CCDC149: variants seen among roughly 807,000 people sequenced by gnomAD.
CCDC149 encodes coiled-coil domain-containing protein 149.
A neutral mutation model predicts 59.9 loss-of-function variants in CCDC149; 45 were observed. The ratio of observed to expected loss-of-function variants is 0.75; its 90% CI spans 0.59 to 0.96. The LOEUF (loss-of-function observed/expected upper bound fraction) is 0.96, where lower values mean the gene tolerates loss of function less well. Ranked by LOEUF, CCDC149 falls within the 40% of genes least tolerant of loss-of-function variation. The probability of loss-of-function intolerance (pLI) is 0.00; values close to 1 mark genes in which losing one functional copy is unlikely to be tolerated. For missense variants in CCDC149, 584 were observed against 664.7 expected (o/e 0.88, Z 1.33); for synonymous variants, 245 against 260.6 (o/e 0.94, Z 0.58).
At chr4:24,845,059 G>A (rs1421156094) in intron 4 of CCDC149, among the ~76,000 whole-genome samples, 1 of 152,254 alleles carries the variant, frequency 6.6e-6, no homozygotes, top group Non-Finnish European at 1.5e-5. Context: ...TCAGGGCTCT[G>A]AAGTCTATGC....
chr4:24,813,489 A>AATATATCTATATCTATATCTATATATAT (rs1186488610), intron 12 of CCDC149, among the ~76,000 whole-genome samples: 1 of 113,734 alleles, frequency 8.8e-6, no homozygotes, highest in African/African-American at 4.0e-5. Flanking sequence ...CAGCTTGGGG[A>AATATATCTATATCTATATCTATATATAT]ATATATATAT....
intron 1 of CCDC149, among the ~76,000 whole-genome samples, chr4:24,885,911 T>C (rs560286832): frequency 1.3e-5 from 2 of 152,330 alleles, no homozygotes; most frequent in East Asian, 3.9e-4. Context: ...CTTCATTTGA[T>C]TATAACAGTA....
intron 1 of CCDC149, among the ~76,000 whole-genome samples, chr4:24,931,315 A>ATG (rs1483234876): frequency 6.9e-6 from 1 of 145,324 alleles, no homozygotes; most frequent in Non-Finnish European, 1.5e-5. Context: ...TTTAAAATAT[A>ATG]TATATATATA....
chr4:24,897,336 A>G (rs1720902551), intron 1 of CCDC149, among the ~76,000 whole-genome samples: 1 of 152,176 alleles, frequency 6.6e-6, no homozygotes, highest in South Asian at 2.1e-4. Flanking sequence ...GAAAGTCAAA[A>G]TAAGTCTGGA....
At chr4:24,810,692 CA>C (rs1195718227) in intron 12 of CCDC149, among the ~76,000 whole-genome samples, 3 of 152,146 alleles carry the variant, frequency 2.0e-5, no homozygotes, top group African/African-American at 7.2e-5. Context: ...TGAAAATGGG[CA>C]AGCCAGAAAC....
Position 24,806,246 on chromosome 4 carries a change from AAC to A in CCDC149, c.*2141_*2142del. The A allele has an allele frequency of 6.6e-6, 1 of 152,158 alleles. No homozygotes were observed. The highest frequency in any genetic ancestry group is 1.5e-5 in the Non-Finnish European group (1 of 68,044). The allele number at this position is 152,158 out of a possible 1,614,324, so 9.4% of individuals were successfully genotyped here. On this transcript the variant is annotated 3_prime_UTR_variant, in exon 13 of 13. Transcript: ENST00000635206. ...GGTTATATCTGTGACAGGATCAACT[AAC>A]TTACTGGCTCTCATTTCACCTGATA...
intron 1 of CCDC149, among the ~76,000 whole-genome samples, chr4:24,956,462 G>A (rs956393042): frequency 8.6e-5 from 13 of 151,892 alleles, no homozygotes; most frequent in African/African-American, 1.5e-4. Flanking sequence ...AGGTAATTTC[G>A]GGCTATTAAT....
intron 1 of CCDC149, among the ~76,000 whole-genome samples, chr4:24,900,187 A>C (rs1297040723): frequency 2.0e-5 from 3 of 152,212 alleles, no homozygotes; most frequent in African/African-American, 7.2e-5. Context: ...CAATTGTCAC[A>C]TGCAGAAGGC....
At chr4:24,867,224 A>G (rs1718760100) in intron 3 of CCDC149, among the ~76,000 whole-genome samples, 1 of 152,250 alleles carries the variant, frequency 6.6e-6, no homozygotes, top group Non-Finnish European at 1.5e-5. Flanking sequence ...TCAGTGCCTC[A>G]TAAGAGCTTT....
At chr4:24,904,387 G>A (rs78607606) in intron 1 of CCDC149, among the ~76,000 whole-genome samples, 21,175 of 152,134 alleles carry the variant, frequency 0.14, 1,580 homozygotes, top group East Asian at 0.21. Flanking sequence ...GCTGCTCTGG[G>A]CACACTGCCT....
chr4:24,839,061 CAGAGAGAGAG>C (rs72068303), intron 4 of CCDC149, among the ~76,000 whole-genome samples: 11 of 115,364 alleles, frequency 9.5e-5, no homozygotes, highest in East Asian at 7.3e-4. Flanking sequence ...CACACACACA[CAGAGAGAGAG>C]AGAGAAAGAG....
chr4:24,901,275 G>C (rs1721151823), intron 1 of CCDC149, among the ~76,000 whole-genome samples: 1 of 151,998 alleles, frequency 6.6e-6, no homozygotes, highest in African/African-American at 2.4e-5. Context: ...GAGAGGTGCA[G>C]ACTCTCAACT....
chr4:24,828,403 C>T (rs760288670), intron 9 of CCDC149: 6 of 151,940 alleles, frequency 3.9e-5, no homozygotes, highest in Non-Finnish European at 5.9e-5. Context: ...GAGGAATGGA[C>T]GTTTCTTCCA....
chr4:24,888,554 T>TGAA (rs1269568928), intron 1 of CCDC149, among the ~76,000 whole-genome samples: 3 of 152,234 alleles, frequency 2.0e-5, no homozygotes, highest in Non-Finnish European at 4.4e-5. Context: ...GTCCTGCAGA[T>TGAA]TCACCAACCC....
At chr4:24,909,749 AGAG>A (rs1401967311) in intron 1 of CCDC149, among the ~76,000 whole-genome samples, 1 of 152,142 alleles carries the variant, frequency 6.6e-6, no homozygotes, top group Non-Finnish European at 1.5e-5. Context: ...GGTTTTATAA[AGAG>A]GAGTTCTCCT....
chr4:24,958,093 A>G (rs1057381568), intron 1 of CCDC149, among the ~76,000 whole-genome samples: 2 of 152,222 alleles, frequency 1.3e-5, no homozygotes, highest in African/African-American at 2.4e-5. Context: ...AAGTAGTCAC[A>G]GTGGCAGATA....
intron 1 of CCDC149, among the ~76,000 whole-genome samples, chr4:24,893,858 G>A (rs1325696990): frequency 4.0e-5 from 6 of 151,710 alleles, no homozygotes; most frequent in Non-Finnish European, 8.8e-5. Flanking sequence ...CGCCCGCCTC[G>A]GCCTCCCAAA....
At chr4:24,916,347 A>G (rs1199064221), upstream of CCDC149, among the ~76,000 whole-genome samples, 1 of 152,236 alleles carries the variant, frequency 6.6e-6, no homozygotes, top group Non-Finnish European at 1.5e-5. Context: ...AAATAGCTTA[A>G]TCTAAAAACT....
intron 1 of CCDC149, among the ~76,000 whole-genome samples, chr4:24,963,918 T>G (rs1723718700): frequency 6.6e-6 from 1 of 152,166 alleles, no homozygotes; most frequent in Non-Finnish European, 1.5e-5. Flanking sequence ...TCCTAGCACT[T>G]TGGGAGGCCA....
Sources: gnomAD v4.1 joint callset for allele counts (sites outside exome capture counted in the v4.1 genomes callset) on GRCh38, gnomAD v4.1.1 for gene constraint, MANE v1.5 for transcripts, NCBI Gene and HGNC (gene_info 2026-07-23, HGNC 2026-07-21) for gene names.